The following ATP8B4 variants were observed in gnomAD, a reference collection of about 807,000 sequenced individuals.
The protein encoded by ATP8B4 is ATPase phospholipid transporting 8B4 (putative).
Under a neutral mutation model 145.6 loss-of-function variants are expected in ATP8B4, and 133 were observed. The observed-to-expected ratio is 0.91, with a 90% CI of 0.79 to 1.05. The LOEUF is 1.05. Ranked by LOEUF, ATP8B4 falls within the 50% of genes least tolerant of loss-of-function variation. The pLI is 0.00. For missense variants in ATP8B4, 1,458 were observed against 1,425.2 expected (o/e 1.02, Z -0.37); for synonymous variants, 507 against 492.9 (o/e 1.03, Z -0.38).
intron 13 of ATP8B4, 39 bp from the exon 14 acceptor site, chr15:49,962,059 C>A (rs986254130): frequency 6.8e-7 from 1 of 1,480,420 alleles, no homozygotes; most frequent in South Asian, 1.2e-5. Context: ...GTAAGTGAAA[C>A]CGAAATTAGA....
intron 3 of ATP8B4, among the ~76,000 whole-genome samples, chr15:50,048,392 T>C (rs1056791334): frequency 2.0e-5 from 3 of 152,076 alleles, no homozygotes; most frequent in African/African-American, 7.2e-5. Context: ...TGTCAGAATG[T>C]CGTTAGCTAC....
intron 3 of ATP8B4, among the ~76,000 whole-genome samples, chr15:50,069,559 G>GC (rs1355989593): frequency 2.0e-5 from 3 of 152,162 alleles, no homozygotes; most frequent in African/African-American, 7.2e-5. Flanking sequence ...GCCACTCTTA[G>GC]CCTCAGATTG....
upstream of ATP8B4, among the ~76,000 whole-genome samples, chr15:50,123,956 T>G (rs958099733): frequency 6.9e-4 from 105 of 152,146 alleles, no homozygotes. Context: ...GTTTTAGTAT[T>G]TTCTTCCTGC....
intron 9 of ATP8B4, among the ~76,000 whole-genome samples, chr15:49,996,087 G>C (rs563756972): frequency 1.6e-4 from 24 of 152,256 alleles, no homozygotes; most frequent in African/African-American, 5.5e-4. Context: ...TTATACTGAA[G>C]ATCGGGGACC....
intron 6 of ATP8B4, among the ~76,000 whole-genome samples, chr15:50,012,685 G>C (rs2048805127): frequency 6.6e-6 from 1 of 151,978 alleles, no homozygotes; most frequent in South Asian, 2.1e-4. Flanking sequence ...GTAAGAAAAA[G>C]AAGCACAAAA....
intron 12 of ATP8B4, among the ~76,000 whole-genome samples, chr15:49,973,033 T>C (rs2045316503): frequency 6.6e-6 from 1 of 152,172 alleles, no homozygotes; most frequent in Non-Finnish European, 1.5e-5. Flanking sequence ...CTTTAGGGAA[T>C]GTTTCCTGGT....
chr15:50,075,366 A>G (rs545305489), intron 2 of ATP8B4, among the ~76,000 whole-genome samples: 319 of 152,284 alleles, frequency 2.1e-3, no homozygotes, highest in African/African-American at 7.5e-3. Flanking sequence ...ATTTTTTCCA[A>G]AAGTGCAGGC....
At position 49,897,285 on chromosome 15, in the gene ATP8B4, T is replaced by C. The variant is rs2037502947; in HGVS notation, c.2697+7A>G. 1.3e-6 allele frequency: 2 copies of C among 1,594,312 alleles called. No homozygotes were observed. The highest frequency in any genetic ancestry group is 1.4e-5 in the African/African-American group (1 of 73,814). On this transcript the variant is annotated splice_region_variant and intron_variant, in intron 23 of 27. Transcript: ENST00000284509. ...AAACAAACAAAAAAAAACATGCTTT[T>C]ACCAACCTGGGCTGAGAAACCACAG... is the stretch of plus-strand genomic sequence containing the variant.
chr15:50,157,814 G>A (rs896059116), intron 1 of ATP8B4, among the ~76,000 whole-genome samples: 1 of 152,166 alleles, frequency 6.6e-6, no homozygotes, highest in African/African-American at 2.4e-5. Context: ...AGCCAAAGCT[G>A]GACTGTGCTG....
rs769753620 is a variant in ATP8B4 at position 50,010,927 on chromosome 15, A to G, written c.363-10T>C. ...TTTTTCATTCTGCAGTCTAAAAACAAAAATAAAATTAATTTTCTTCAAGAA... is the reference window on the plus strand; with the variant it reads ...TTTTTCATTCTGCAGTCTAAAAACAGAAATAAAATTAATTTTCTTCAAGAA... On this transcript the variant is annotated splice_polypyrimidine_tract_variant and intron_variant, in intron 6 of 27. Transcript: ENST00000284509. 16 of 1,513,288 alleles carry G rather than the reference A, an allele frequency of 1.1e-5. No homozygotes were observed. The highest frequency in any genetic ancestry group is 1.4e-5 in the Non-Finnish European group (16 of 1,122,186). 93.7% of individuals were successfully genotyped at this position (1,513,288 alleles called of 1,614,324 possible). A position where few individuals can be genotyped will look rare whatever the true frequency, so the allele number is the denominator to read the frequency against.
intron 7 of ATP8B4, among the ~76,000 whole-genome samples, chr15:50,005,353 G>A (rs2048220724): frequency 6.6e-6 from 1 of 152,156 alleles, no homozygotes; most frequent in African/African-American, 2.4e-5. Flanking sequence ...AATATTTGTT[G>A]AGTTAAAGAA....
chr15:49,960,318 C>T (rs139289886), intron 14 of ATP8B4, among the ~76,000 whole-genome samples: 40 of 152,302 alleles, frequency 2.6e-4, no homozygotes, highest in African/African-American at 8.7e-4. Flanking sequence ...TGAGCCACCA[C>T]GCCCAGCCTT....
Position 50,084,381 on chromosome 15 carries a change from A to T in ATP8B4, c.29-10196T>A, listed in dbSNP as rs145113599. Among the ~76,000 whole-genome samples the T allele has an allele frequency of 4.7e-3, 719 of 152,264 alleles. 4 individuals carry two copies. Among genetic ancestry groups the T allele is most frequent in the African/African-American group, 0.017 (697 of 41,538 alleles). On this transcript the variant is annotated intron_variant, in intron 2 of 27. Coordinates refer to ENST00000284509, the MANE Select transcript of ATP8B4 (RefSeq NM_024837.4). Reference sequence around the variant, plus strand: ...GGGCCAGGATTTGAGGCAGAAAAGAAAGGTGGTAAATGCTCAGAATCGGCC... The same window carrying T: ...GGGCCAGGATTTGAGGCAGAAAAGATAGGTGGTAAATGCTCAGAATCGGCC...
chr15:49,961,542 C>T (rs1481081571), intron 14 of ATP8B4, among the ~76,000 whole-genome samples: 1 of 152,096 alleles, frequency 6.6e-6, no homozygotes, highest in African/African-American at 2.4e-5. Context: ...TCCTAAATGT[C>T]CATTAGAGTC....
intron 1 of ATP8B4, among the ~76,000 whole-genome samples, chr15:50,142,101 A>G (rs1244329872): frequency 1.3e-5 from 2 of 152,192 alleles, no homozygotes; most frequent in Non-Finnish European, 2.9e-5. Flanking sequence ...TGTTCAGGGA[A>G]TGCTGAGAAA....
intron 23 of ATP8B4, among the ~76,000 whole-genome samples, chr15:49,894,458 G>C (rs2037166812): frequency 6.6e-6 from 1 of 152,016 alleles, no homozygotes; most frequent in Admixed American, 6.6e-5. Context: ...CGTAAAAAAA[G>C]GTATCCTGCC....
intron 1 of ATP8B4, among the ~76,000 whole-genome samples, chr15:50,149,841 C>A (rs932202902): frequency 6.6e-6 from 1 of 152,126 alleles, no homozygotes; most frequent in South Asian, 2.1e-4. Flanking sequence ...TGGCTCATGC[C>A]TGTAATCCCA....
chr15:50,121,331 G>T (rs2057268194), upstream of ATP8B4, among the ~76,000 whole-genome samples: 1 of 152,146 alleles, frequency 6.6e-6, no homozygotes, highest in African/African-American at 2.4e-5. Flanking sequence ...ACCAAGGGCT[G>T]CAGGAAGAGA....
At chr15:49,969,097 C>T (rs1599508210) in intron 13 of ATP8B4, among the ~76,000 whole-genome samples, 1 of 152,120 alleles carries the variant, frequency 6.6e-6, no homozygotes, top group Non-Finnish European at 1.5e-5. Context: ...AAACGATGTA[C>T]CAGAATCTCT....
Sources: allele counts gnomAD v4.1 joint callset (sites outside exome capture counted in the v4.1 genomes callset), GRCh38; gene constraint gnomAD v4.1.1; transcripts MANE v1.5; gene names NCBI Gene and HGNC (gene_info 2026-07-23, HGNC 2026-07-21).